Variants in BCHE observed in about 807,000 individuals in gnomAD.
BCHE encodes butyrylcholinesterase, also known as cholinesterase.
In BCHE, 48 loss-of-function variants were observed where a neutral mutation model predicts 51.3. The ratio of observed to expected loss-of-function variants is 0.94; its 90% CI spans 0.74 to 1.19. The LOEUF (loss-of-function observed/expected upper bound fraction) is 1.19. BCHE is among the 50% of genes most tolerant of loss of function. The pLI, the probability that BCHE is intolerant of heterozygous loss-of-function variation, is 0.00. For missense variants in BCHE, 847 were observed against 708.2 expected (o/e 1.20, Z -2.23); for synonymous variants, 251 against 238.0 (o/e 1.05, Z -0.50).
intron 3 of BCHE, among the ~76,000 whole-genome samples, chr3:165,782,307 C>G (rs1362842652): frequency 6.6e-6 from 1 of 151,916 alleles, no homozygotes; most frequent in African/African-American, 2.4e-5. Flanking sequence ...AGACAACTTG[C>G]TTTGTGTGTG....
intron 2 of BCHE, among the ~76,000 whole-genome samples, chr3:165,807,517 G>GATTT (rs58025912): frequency 0.091 from 13,618 of 149,850 alleles, 943 homozygotes; most frequent in African/African-American, 0.19. Context: ...GTTATTATGA[G>GATTT]ATTTATTTAT....
chr3:165,819,196 A>C (rs551733928), intron 2 of BCHE, among the ~76,000 whole-genome samples: 2 of 149,348 alleles, frequency 1.3e-5, no homozygotes. Flanking sequence ...CTCCTGCCTT[A>C]GCTTCCAGAG....
chr3:165,837,238 AT>A (rs1715219911), intron 1 of BCHE, 75 bp downstream of exon 1: 1 of 941,580 alleles, frequency 1.1e-6, no homozygotes, highest in African/African-American at 1.7e-5. Context: ...ACATGAAGAG[AT>A]CACTCTCATC....
rs1236678342 is a variant in BCHE at position 165,783,808 on chromosome 3, A to C, written c.1684+2337T>G. Reference sequence around the variant, plus strand: ...TAGTTATGATATTGTAATATTGAATAGTTGTATCCTTGTGGAAATCTGAAT... The same window carrying C: ...TAGTTATGATATTGTAATATTGAATCGTTGTATCCTTGTGGAAATCTGAAT... On this transcript the variant is annotated intron_variant, in intron 3 of 3. Transcript: ENST00000264381. Among the ~76,000 whole-genome samples the C allele has an allele frequency of 3.9e-5, 6 of 152,136 alleles. No individual in the cohort carries two copies. In the East Asian group the frequency reaches 1.2e-3, roughly 29 times the overall value.
At chr3:165,814,068 T>C (rs1714208537) in intron 2 of BCHE, among the ~76,000 whole-genome samples, 2 of 152,036 alleles carry the variant, frequency 1.3e-5, no homozygotes, top group South Asian at 2.1e-4. Flanking sequence ...ATATAGGTAG[T>C]ATCCCTCATA....
chr3:165,803,894 A>G (rs1287697751), intron 2 of BCHE, among the ~76,000 whole-genome samples: 1 of 152,224 alleles, frequency 6.6e-6, no homozygotes, highest in Non-Finnish European at 1.5e-5. Context: ...GGAAGTCATC[A>G]GTATGTAGAT....
At chr3:165,782,861 AT>A (rs553629570) in intron 3 of BCHE, among the ~76,000 whole-genome samples, 109 of 149,980 alleles carry the variant, frequency 7.3e-4, no homozygotes, top group South Asian at 2.3e-3. Context: ...TTCCCTCAGG[AT>A]TTTTTTTTTA....
At chr3:165,783,474 A>G (rs1712795953) in intron 3 of BCHE, among the ~76,000 whole-genome samples, 1 of 152,112 alleles carries the variant, frequency 6.6e-6, no homozygotes, top group African/African-American at 2.4e-5. Context: ...TTTTCTCCAA[A>G]TCACCTTTGC....
intron 2 of BCHE, among the ~76,000 whole-genome samples, chr3:165,812,959 A>G (rs62293385): frequency 0.074 from 11,241 of 151,942 alleles, 519 homozygotes; most frequent in East Asian, 0.11. Flanking sequence ...GCTACTATAA[A>G]TGTTCAATAT....
At chr3:165,803,102 C>T (rs1713731160) in intron 2 of BCHE, among the ~76,000 whole-genome samples, 1 of 152,088 alleles carries the variant, frequency 6.6e-6, no homozygotes, top group Non-Finnish European at 1.5e-5. Context: ...AAGAACTGAG[C>T]TCTGGGAAGA....
intron 3 of BCHE, among the ~76,000 whole-genome samples, chr3:165,781,738 C>T (rs770710665): frequency 6.6e-6 from 1 of 151,906 alleles, no homozygotes; most frequent in Non-Finnish European, 1.5e-5. Context: ...ACACATGTAT[C>T]GCAGCACTTA....
At chr3:165,831,271 G>A (rs938022709) in intron 1 of BCHE, among the ~76,000 whole-genome samples, 3 of 151,986 alleles carry the variant, frequency 2.0e-5, no homozygotes, top group African/African-American at 7.2e-5. Context: ...TTCATTTTAG[G>A]GATATTTATT....
chr3:165,796,787 T>C (rs76824791), intron 2 of BCHE, among the ~76,000 whole-genome samples: 265 of 152,290 alleles, frequency 1.7e-3, no homozygotes, highest in African/African-American at 6.2e-3. Context: ...CAAATTGGTT[T>C]CCAGTGCACA....
rs116853289 is a variant in BCHE at position 165,814,744 on chromosome 3, T to G, written c.1517+14773A>C. On this transcript the variant is annotated intron_variant, in intron 2 of 3. Transcript: ENST00000264381. ...TTTGTTCCTTGGGGCTACTTCCTAG[T>G]CTCTTTAGTCCCTAACTTGCAGTTA... Among the ~76,000 whole-genome samples, 235 of 152,140 alleles carry G rather than the reference T, an allele frequency of 1.5e-3. 3 individuals carry two copies. The East Asian group carries it at 0.016, about 10-fold the overall frequency.
chr3:165,793,779 G>A (rs1162612188), intron 2 of BCHE, among the ~76,000 whole-genome samples: 2 of 152,184 alleles, frequency 1.3e-5, no homozygotes, highest in Non-Finnish European at 2.9e-5. Flanking sequence ...TTTTTACCAT[G>A]TTCATGCCTG....
intron 2 of BCHE, among the ~76,000 whole-genome samples, chr3:165,819,138 G>A (rs891556496): frequency 1.3e-5 from 2 of 150,078 alleles, no homozygotes; most frequent in Non-Finnish European, 3.0e-5. Flanking sequence ...GAGTGCACTG[G>A]CACAATCTTG....
Position 165,830,275 on chromosome 3 carries a change from T to C in BCHE, c.759A>G (p.Gly253=). 2.5e-6 allele frequency: 4 copies of C among 1,614,020 alleles called. No individual in the cohort carries two copies. In the South Asian group the frequency reaches 3.3e-5, roughly 13 times the overall value. Residue 253 remains glycine (G), a synonymous_variant, in exon 2 of 4, where the codon GGA becomes GGG. Transcript: ENST00000264381. ...TTACCGCCCAAGGAGCATTAAAGGA[T>C]CCACTTTGCAGAATGGCTCTGGTGA... ...SLFTRAILQS[G]SFNAPWAVTS...
intron 2 of BCHE, among the ~76,000 whole-genome samples, chr3:165,816,328 A>G (rs915382620): frequency 6.6e-5 from 10 of 152,018 alleles, no homozygotes; most frequent in Non-Finnish European, 1.5e-4. Flanking sequence ...ATGATTACAC[A>G]AAACCAGATT....
chr3:165,824,598 C>A (rs946746800), intron 2 of BCHE, among the ~76,000 whole-genome samples: 1 of 151,980 alleles, frequency 6.6e-6, no homozygotes, highest in South Asian at 2.1e-4. Flanking sequence ...AAGGAAGAAG[C>A]CAACTGTCCC....
Sources: gnomAD v4.1 joint callset for allele counts (sites outside exome capture counted in the v4.1 genomes callset) on GRCh38, gnomAD v4.1.1 for gene constraint, MANE v1.5 for transcripts, NCBI Gene and HGNC (gene_info 2026-07-23, HGNC 2026-07-21) for gene names.